The following TEKT2 variants were observed in gnomAD, a reference collection of about 807,000 sequenced individuals.
TEKT2 encodes the protein tektin-2.
In TEKT2, 45 loss-of-function variants were observed where a neutral mutation model predicts 49.8. That is an observed-to-expected ratio of 0.90 (90% CI 0.71 to 1.16). TEKT2 has a LOEUF of 1.16. Ranked by LOEUF, TEKT2 falls within the 50% of genes most tolerant of loss-of-function variation. TEKT2 has a pLI of 0.00. For synonymous variants in TEKT2, 202 were observed against 224.6 expected (o/e 0.90, Z 0.90); for missense variants, 523 against 551.4 (o/e 0.95, Z 0.52).
chr1:36,085,309 G>A, intron 3 of TEKT2, 21 bp downstream of exon 3: 1 of 1,613,446 alleles, frequency 6.2e-7, no homozygotes, highest in African/African-American at 1.3e-5. Context: ...AGGACTGGGT[G>A]CCCGGGGGCT....
chr1:36,086,920 G>T lies in TEKT2; in HGVS notation c.633-11G>T, dbSNP rs1254055948. Reference sequence around the variant, plus strand: ...CACCCTCATGACCCCCATTTTCCCTGCCACCTGCAGCTCCACCACACTCCA... The same window carrying T: ...CACCCTCATGACCCCCATTTTCCCTTCCACCTGCAGCTCCACCACACTCCA... On this transcript the variant is annotated splice_polypyrimidine_tract_variant and intron_variant, in intron 5 of 9. Coordinates refer to ENST00000207457, the MANE Select transcript of TEKT2 (RefSeq NM_014466.3). 1 of 1,613,704 alleles carries T rather than the reference G, an allele frequency of 6.2e-7. No individual in the cohort carries two copies. Among genetic ancestry groups the T allele is most frequent in the African/African-American group, 1.3e-5 (1 of 75,002 alleles).
At position 36,084,744 on chromosome 1, in the gene TEKT2, T is replaced by A. The variant is rs942726856; in HGVS notation, c.-52-126T>A. 9.3e-6 allele frequency: 8 copies of A among 864,804 alleles called. No individual in the cohort carries two copies. Among genetic ancestry groups the A allele is most frequent in the Admixed American group, 8.4e-5 (4 of 47,420 alleles). The allele number at this position is 864,804 out of a possible 1,614,324, so 53.6% of individuals were successfully genotyped here. On this transcript the variant is annotated intron_variant, in intron 1 of 9. Transcript: ENST00000207457. The surrounding 1 kb of genome is among the most constrained non-coding windows in gnomAD (Gnocchi z 4.1). The stretch of plus-strand genomic sequence containing the variant: ...ACAAAGTTGAGTAAAGCAAGGGCTG[T>A]CTCCAAGCAGGCTTCCAGCAGGACA...
In TEKT2 at chr1:36,085,877, G is replaced by A. The variant is rs1643364331; in HGVS notation, c.324G>A (p.Leu108=). 3 of 1,613,928 alleles carry A rather than the reference G, an allele frequency of 1.9e-6. No individual in the cohort carries two copies. Among genetic ancestry groups the A allele is most frequent in the Middle Eastern group, 1.6e-4 (1 of 6,084 alleles). The change falls in exon 4 of 10, where the codon CTG becomes CTA. Residue 108 remains leucine (L), a synonymous_variant. Coordinates refer to ENST00000207457, the MANE Select transcript of TEKT2 (RefSeq NM_014466.3). Reference sequence around the variant, plus strand: ...AGCAAAACCTGCAGGCCAAGAACCTGCCTCTGGATGTGGCCATTGAGTGCC... The same window carrying A: ...AGCAAAACCTGCAGGCCAAGAACCTACCTCTGGATGTGGCCATTGAGTGCC... ...SAEQNLQAKN[L]PLDVAIECLT...
At position 36,086,982 on chromosome 1, in the gene TEKT2, A is replaced by C. The variant is rs549097525; in HGVS notation, c.684A>C (p.Arg228=). ...ACTTCAGTCGGTTCAACAAGGACCG[A>C]GCGGAGGCTGAGATGAAGGCAGCCA... ...WDDFSRFNKD[R]AEAEMKAATE... is the part of the protein sequence containing the mutation. The change falls in exon 6 of 10, where the codon CGA becomes CGC. Residue 228 remains arginine (R), a synonymous_variant. Transcript: ENST00000207457. 1 of 1,613,932 alleles carries C rather than the reference A, an allele frequency of 6.2e-7. No homozygotes were observed. Among genetic ancestry groups the C allele is most frequent in the East Asian group, 2.2e-5 (1 of 44,866 alleles).
Position 36,087,703 on chromosome 1 carries a change from G to T in TEKT2, c.1000-25G>T, listed in dbSNP as rs780571413. On this transcript the variant is annotated intron_variant, in intron 8 of 9. Coordinates refer to ENST00000207457, the MANE Select transcript of TEKT2 (RefSeq NM_014466.3). This position sits in a 1 kb window ranked among gnomAD's most constrained non-coding sequence, Gnocchi z 4.9. ...GGTAAAGGACAGTGTGGCTGACTTGGAACTCCCAACCCCTCTGCCTCCAGG... is the reference window on the plus strand; with the variant it reads ...GGTAAAGGACAGTGTGGCTGACTTGTAACTCCCAACCCCTCTGCCTCCAGG... The T allele has an allele frequency of 6.2e-7, 1 of 1,613,072 alleles. No individual in the cohort carries two copies. Among genetic ancestry groups the T allele is most frequent in the Admixed American group, 1.7e-5 (1 of 59,864 alleles).
chr1:36,085,290 C>T lies in TEKT2; in HGVS notation c.282+2C>T, dbSNP rs747163592. On this transcript the variant is annotated splice_donor_variant, in intron 3 of 9. Coordinates refer to ENST00000207457, the MANE Select transcript of TEKT2 (RefSeq NM_014466.3). LOFTEE classifies it low-confidence loss of function (GC_TO_GT_DONOR). Reference sequence around the variant, plus strand: ...GCCGAGATCGATGCCCTGACACAGGCAGGGATCCAGGACTGGGTGCCCGGG... The same window carrying T: ...GCCGAGATCGATGCCCTGACACAGGTAGGGATCCAGGACTGGGTGCCCGGG... 2 of 1,613,892 alleles carry T rather than the reference C, an allele frequency of 1.2e-6. No individual in the cohort carries two copies. Among genetic ancestry groups the T allele is most frequent in the Non-Finnish European group, 1.7e-6 (2 of 1,180,022 alleles).
intron 4 of TEKT2, among the ~76,000 whole-genome samples, chr1:36,086,490 G>A (rs1288045230): frequency 2.0e-5 from 3 of 151,874 alleles, no homozygotes; most frequent in East Asian, 1.9e-4. Flanking sequence ...TGTAGGGCAC[G>A]TGGGGGCAGC....
chr1:36,088,089 T>G lies in TEKT2; in HGVS notation c.1196T>G (p.Val399Gly), dbSNP rs1486922786. 11 of 1,612,942 alleles carry G rather than the reference T, an allele frequency of 6.8e-6. No homozygotes were observed. Among genetic ancestry groups the G allele is most frequent in the Non-Finnish European group, 8.5e-6 (10 of 1,179,920 alleles). The change falls in exon 10 of 10, where the codon GTG becomes GGG. Residue 399 changes from valine (V) to glycine (G), a missense_variant. Physicochemically the swap from Val to Gly is moderately radical, Grantham distance 109. Coordinates refer to ENST00000207457, the MANE Select transcript of TEKT2 (RefSeq NM_014466.3). ...KCMDTRRKLT[V>G]PAERFVPEVD... ...ATGGACACACGGCGCAAGCTGACCG[T>G]GCCTGCTGAGAGGTTCGTGCCTGAG...
In TEKT2 at chr1:36,086,771, G is replaced by A. The variant is rs781648396; in HGVS notation, c.556G>A (p.Asp186Asn). 1.2e-5 allele frequency: 20 copies of A among 1,613,970 alleles called. No homozygotes were observed. Among genetic ancestry groups the A allele is most frequent in the African/African-American group, 2.7e-5 (2 of 74,864 alleles). The change falls in exon 5 of 10, where the codon GAC becomes AAC. Residue 186 changes from aspartate to asparagine, a missense_variant. Transcript: ENST00000207457. Reference protein sequence around the residue: ...HRGKMETLEIDRGCLSLNLRS... With the variant: ...HRGKMETLEINRGCLSLNLRS... ...GGGCAAAATGGAGACACTAGAGATC[G>A]ACAGAGGCTGTCTCTCTCTCAACCT...
Position 36,088,023 on chromosome 1 carries a change from T to C in TEKT2, c.1130T>C (p.Ile377Thr), listed in dbSNP as rs767870106. Residue 377 changes from isoleucine (I) to threonine (T), a missense_variant, in exon 10 of 10, where the codon ATT becomes ACT. Transcript: ENST00000207457. ...CKHLARLQADIACKANSMLLD... is the reference protein window; with the variant it reads ...CKHLARLQADTACKANSMLLD... ...CACCTGGCCCGGCTGCAGGCTGACATTGCCTGCAAGGCCAACTCCATGCTG... is the reference window on the plus strand; with the variant it reads ...CACCTGGCCCGGCTGCAGGCTGACACTGCCTGCAAGGCCAACTCCATGCTG... 5.6e-6 allele frequency: 9 copies of C among 1,612,394 alleles called. No individual in the cohort carries two copies. The African/African-American group carries it at 6.7e-5, about 12-fold the overall frequency.
Position 36,086,981 on chromosome 1 carries a change from G to A in TEKT2, c.683G>A (p.Arg228Gln), listed in dbSNP as rs150903707. ...GACTTCAGTCGGTTCAACAAGGACC[G>A]AGCGGAGGCTGAGATGAAGGCAGCC... ...WDDFSRFNKDRAEAEMKAATE... is the reference protein window; with the variant it reads ...WDDFSRFNKDQAEAEMKAATE... The change falls in exon 6 of 10, where the codon CGA (arginine) becomes CAA (glutamine). Residue 228 changes from arginine to glutamine, a missense_variant. Transcript: ENST00000207457. The A allele has an allele frequency of 3.3e-5, 54 of 1,613,912 alleles. No homozygotes were observed. The highest frequency in any genetic ancestry group is 8.9e-5 in the East Asian group (4 of 44,880).
intron 3 of TEKT2, 82 bp downstream of exon 3, chr1:36,085,370 T>TGG: frequency 1.2e-6 from 2 of 1,601,498 alleles, no homozygotes; most frequent in Non-Finnish European, 1.7e-6. Context: ...AAGCCCTTGA[T>TGG]GGGGGGTCAT....
chr1:36,087,639 T>C lies in TEKT2; in HGVS notation c.999+57T>C. On this transcript the variant is annotated intron_variant, in intron 8 of 9. Transcript: ENST00000207457. The surrounding 1 kb of genome is among the most constrained non-coding windows in gnomAD (Gnocchi z 4.9). ...CCTAGCCAAGGTTTTCTCATATTCCTGATGGAGCAAGGGCACTGCTGTCAA... is the reference window on the plus strand; with the variant it reads ...CCTAGCCAAGGTTTTCTCATATTCCCGATGGAGCAAGGGCACTGCTGTCAA... The C allele has an allele frequency of 1.9e-6, 3 of 1,612,952 alleles. No homozygotes were observed. The highest frequency in any genetic ancestry group is 2.5e-6 in the Non-Finnish European group (3 of 1,179,688).
chr1:36,086,939 C>T lies in TEKT2; in HGVS notation c.641C>T (p.Thr214Ile). Residue 214 changes from threonine to isoleucine, a missense_variant, in exon 6 of 10, where the codon ACA becomes ATA. Transcript: ENST00000207457. Reference sequence around the variant, plus strand: ...TTCCCTGCCACCTGCAGCTCCACCACACTCCAGCAGTGGGATGACTTCAGT... The same window carrying T: ...TTCCCTGCCACCTGCAGCTCCACCATACTCCAGCAGTGGGATGACTTCAGT... ...DPTRVPDGST[T>I]LQQWDDFSRF... 1.2e-6 allele frequency: 2 copies of T among 1,613,936 alleles called. No individual in the cohort carries two copies. The highest frequency in any genetic ancestry group is 2.2e-5 in the South Asian group (2 of 91,078).
At position 36,084,824 on chromosome 1, in the gene TEKT2, G is replaced by A. The variant is rs77129470; in HGVS notation, c.-52-46G>A. 0.011 allele frequency: 17,160 copies of A among 1,573,618 alleles called. 1,202 individuals are homozygous for A. The East Asian group carries it at 0.21, about 19-fold the overall frequency. ...TCCTGCGCAGGGGGCGTGTGATCCA[G>A]GAGGTCTCCGGAAAGGTCTCCCGCA... On this transcript the variant is annotated intron_variant, in intron 1 of 9. Coordinates refer to ENST00000207457, the MANE Select transcript of TEKT2 (RefSeq NM_014466.3). The surrounding 1 kb of genome is among the most constrained non-coding windows in gnomAD (Gnocchi z 4.1).
rs776133411 is a variant in TEKT2, at chr1:36,086,953, G to A, written c.655G>A (p.Asp219Asn). The A allele has an allele frequency of 7.4e-6, 12 of 1,613,908 alleles. No individual in the cohort carries two copies. Among genetic ancestry groups the A allele is most frequent in the Non-Finnish European group, 8.5e-6 (10 of 1,180,038 alleles). The change falls in exon 6 of 10, where the codon GAT becomes AAT. Residue 219 changes from aspartate (D) to asparagine (N), a missense_variant. Asp to Asn is a conservative substitution (Grantham distance 23). Transcript: ENST00000207457. ...CAGCTCCACCACACTCCAGCAGTGG[G>A]ATGACTTCAGTCGGTTCAACAAGGA... Reference protein sequence around the residue: ...PDGSTTLQQWDDFSRFNKDRA... With the variant: ...PDGSTTLQQWNDFSRFNKDRA...
At chr1:36,085,558 A>T (rs1291951793) in intron 3 of TEKT2, 1 of 466,116 alleles carries the variant, frequency 2.1e-6, no homozygotes, top group African/African-American at 2.6e-5. Flanking sequence ...TCTGTTGCCC[A>T]GGCTGGAGTG....
In TEKT2 at chr1:36,085,507, C is replaced by T. The variant is rs796135866; in HGVS notation, c.282+219C>T. On this transcript the variant is annotated intron_variant, in intron 3 of 9. Transcript: ENST00000207457. ...TTCTTTTTTTTTCTTTCTTTCTTTTCTTTTTTTTTTTTTTTTTTTTTTTTT... is the reference window on the plus strand; with the variant it reads ...TTCTTTTTTTTTCTTTCTTTCTTTTTTTTTTTTTTTTTTTTTTTTTTTTTT... 2.5e-3 allele frequency among the ~76,000 whole-genome samples: 204 copies of T among 82,588 alleles called. 1 individual carries two copies. Among genetic ancestry groups the T allele is most frequent in the African/African-American group, 8.9e-3 (157 of 17,658 alleles). 54.2% of individuals were successfully genotyped at this position (82,588 alleles called of 152,430 possible).
At position 36,086,513 on chromosome 1, in the gene TEKT2, C is replaced by T. The variant is rs12044567; in HGVS notation, c.489-191C>T. Among the ~76,000 whole-genome samples, 2,455 of 151,476 alleles carry T rather than the reference C, an allele frequency of 0.016. 163 individuals are homozygous for T. In the East Asian group the frequency reaches 0.23, roughly 14 times the overall value. On this transcript the variant is annotated intron_variant, in intron 4 of 9. Transcript: ENST00000207457. ...ACGTGGGGGCAGCATTTTTATCCTACGGTGTGTAGGGCATGTGGGGGCAGC... is the reference window on the plus strand; with the variant it reads ...ACGTGGGGGCAGCATTTTTATCCTATGGTGTGTAGGGCATGTGGGGGCAGC...
Sources: allele counts gnomAD v4.1 joint callset (sites outside exome capture counted in the v4.1 genomes callset), GRCh38; gene constraint gnomAD v4.1.1; non-coding constraint Gnocchi (gnomAD v3.1); transcripts MANE v1.5; gene names NCBI Gene and HGNC (gene_info 2026-07-23, HGNC 2026-07-21).